The following SDK1 variants were observed in gnomAD, a reference collection of about 807,000 sequenced individuals.
The protein encoded by SDK1 is sidekick cell adhesion molecule 1.
SDK1 carries 157 observed loss-of-function variants against 245.5 expected under a neutral mutation model. That is an observed-to-expected ratio of 0.64 (90% CI 0.56 to 0.73). The LOEUF (loss-of-function observed/expected upper bound fraction) is 0.73. SDK1 is among the 30% of genes least tolerant of loss of function. The probability of loss-of-function intolerance (pLI) is 0.00; values close to 1 mark genes in which losing one functional copy is unlikely to be tolerated. For missense variants in SDK1, 3,583 were observed against 3,002.3 expected, an observed-to-expected ratio of 1.19 and a Z score of -4.52; for synonymous variants, 1,647 against 1,278.5, an observed-to-expected ratio of 1.29 and a Z score of -6.15.
intron 2 of SDK1, among the ~76,000 whole-genome samples, chr7:3,620,928 G>T (rs1246158035): frequency 2.0e-5 from 3 of 152,174 alleles, no homozygotes; most frequent in African/African-American, 7.2e-5. Context: ...TATCATAGTA[G>T]ATCATAGCAT....
At chr7:3,496,953 C>T (rs573400597) in intron 1 of SDK1, among the ~76,000 whole-genome samples, 1 of 152,220 alleles carries the variant, frequency 6.6e-6, no homozygotes, top group African/African-American at 2.4e-5. Context: ...CAATCCAAAT[C>T]CCCATATTTT....
intron 1 of SDK1, among the ~76,000 whole-genome samples, chr7:3,576,735 G>T (rs1400765683): frequency 5.9e-5 from 9 of 152,042 alleles, no homozygotes; most frequent in Non-Finnish European, 1.0e-4. Context: ...CACAAACTAA[G>T]AAGTGTTTCT....
intron 5 of SDK1, among the ~76,000 whole-genome samples, chr7:3,849,159 C>A (rs1215999147): frequency 6.6e-6 from 1 of 152,210 alleles, no homozygotes. Flanking sequence ...TGAATGCACC[C>A]CTCCTCTGCT....
intron 1 of SDK1, among the ~76,000 whole-genome samples, chr7:3,506,092 G>C (rs879320227): frequency 5.3e-5 from 8 of 151,478 alleles, no homozygotes; most frequent in Non-Finnish European, 1.0e-4. Context: ...TCTTTTTGTA[G>C]ATGCAAGTTT....
At chr7:3,669,281 T>G (rs1335596268) in intron 4 of SDK1, among the ~76,000 whole-genome samples, 1 of 152,166 alleles carries the variant, frequency 6.6e-6, no homozygotes, top group African/African-American at 2.4e-5. Flanking sequence ...AAGTTACTGC[T>G]TTGTCTCATA....
intron 12 of SDK1, among the ~76,000 whole-genome samples, chr7:3,972,239 C>G (rs1171728572): frequency 6.6e-6 from 1 of 152,008 alleles, no homozygotes; most frequent in East Asian, 1.9e-4. Context: ...GCCACCACTC[C>G]CGGCTATTTT....
intron 1 of SDK1, among the ~76,000 whole-genome samples, chr7:3,538,200 T>C (rs1224666213): frequency 5.9e-5 from 9 of 152,318 alleles, no homozygotes; most frequent in South Asian, 2.1e-4. Flanking sequence ...GGCAATTACA[T>C]TGGCCATTTG....
intron 4 of SDK1, among the ~76,000 whole-genome samples, chr7:3,671,581 T>C (rs1320100273): frequency 6.6e-6 from 1 of 152,192 alleles, no homozygotes; most frequent in Non-Finnish European, 1.5e-5. Context: ...GTTATACCTA[T>C]TTACAAGTTT....
At chr7:3,362,513 A>AT (rs1583745567) in intron 1 of SDK1, among the ~76,000 whole-genome samples, 1 of 152,256 alleles carries the variant, frequency 6.6e-6, no homozygotes, top group African/African-American at 2.4e-5. Context: ...AATTTTGCAT[A>AT]TTTTTTCCTA....
At chr7:4,185,502 A>G (rs1782834844) in intron 35 of SDK1, among the ~76,000 whole-genome samples, 1 of 151,860 alleles carries the variant, frequency 6.6e-6, no homozygotes, top group East Asian at 1.9e-4. Context: ...GTGCCCCCTC[A>G]TCCATACCAA....
intron 5 of SDK1, among the ~76,000 whole-genome samples, chr7:3,912,336 C>G (rs1234913562): frequency 6.6e-6 from 1 of 152,144 alleles, no homozygotes; most frequent in Non-Finnish European, 1.5e-5. Flanking sequence ...AGAGAGAGTT[C>G]CAAAATGTAT....
At chr7:3,368,796 C>G (rs1005175914) in intron 1 of SDK1, among the ~76,000 whole-genome samples, 1 of 152,138 alleles carries the variant, frequency 6.6e-6, no homozygotes, top group Non-Finnish European at 1.5e-5. Context: ...GCACTTAGAA[C>G]CGTGTGTGAC....
intron 5 of SDK1, among the ~76,000 whole-genome samples, chr7:3,864,251 G>C (rs1374376672): frequency 6.6e-6 from 1 of 152,122 alleles, no homozygotes; most frequent in African/African-American, 2.4e-5. Context: ...AATTTGGGCA[G>C]GGATCAAGTT....
At chr7:4,161,235 C>T (rs1472020490) in intron 31 of SDK1, among the ~76,000 whole-genome samples, 1 of 152,084 alleles carries the variant, frequency 6.6e-6, no homozygotes, top group African/African-American at 2.4e-5. Context: ...CAGCCTTGTC[C>T]CTCCAGAGAG....
At chr7:3,412,214 G>A (rs369782215) in intron 1 of SDK1, among the ~76,000 whole-genome samples, 17 of 152,220 alleles carry the variant, frequency 1.1e-4, no homozygotes, top group Admixed American at 4.6e-4. Context: ...CATCTACAGT[G>A]AAAAGCCCCT....
chr7:4,016,455 C>G, intron 16 of SDK1, among the ~76,000 whole-genome samples: 1 of 152,212 alleles, frequency 6.6e-6, no homozygotes, highest in East Asian at 1.9e-4. Context: ...ATATGCTAAT[C>G]AAAATAATAC....
intron 4 of SDK1, among the ~76,000 whole-genome samples, chr7:3,811,893 C>G (rs1296976162): frequency 6.6e-6 from 1 of 152,204 alleles, no homozygotes; most frequent in South Asian, 2.1e-4. Flanking sequence ...TTTACACTTT[C>G]AAAAGCTATC....
intron 40 of SDK1, among the ~76,000 whole-genome samples, chr7:4,227,613 C>T (rs771985667): frequency 2.6e-5 from 4 of 152,150 alleles, no homozygotes; most frequent in African/African-American, 4.8e-5. Context: ...TGTGTGAGTG[C>T]GTGGAACCAG....
chr7:4,012,204 C>A lies in SDK1; in HGVS notation c.2389C>A (p.His797Asn). The part of the protein sequence containing the change: ...VQWQPPPETE[H>N]NGVLRGYILR... ...GTGGCAGCCACCCCCAGAAACAGAG[C>A]ACAACGGGGTGTTGCGTGGATACAT... The change falls in exon 16 of 45, where the codon CAC becomes AAC. Residue 797 changes from histidine (H) to asparagine (N), a missense_variant. His to Asn is a moderately conservative substitution (Grantham distance 68, BLOSUM62 1). Transcript: ENST00000404826. 6.4e-7 allele frequency: 1 copy of A among 1,559,042 alleles called. No homozygotes were observed. The highest frequency in any genetic ancestry group is 8.7e-7 in the Non-Finnish European group (1 of 1,154,084).
Sources: gnomAD v4.1 joint callset for allele counts (sites outside exome capture counted in the v4.1 genomes callset) on GRCh38, gnomAD v4.1.1 for gene constraint, MANE v1.5 for transcripts, NCBI Gene and HGNC (gene_info 2026-07-23, HGNC 2026-07-21) for gene names.